Variants in C4orf36 observed in about 807,000 individuals in gnomAD.
The protein encoded by C4orf36 is uncharacterized protein C4orf36.
In C4orf36, 11 loss-of-function variants were observed where a neutral mutation model predicts 12.2. The observed-to-expected ratio is 0.90, with a 90% confidence interval of 0.57 to 1.49. C4orf36 has a LOEUF of 1.49. Among genes scored for constraint, C4orf36 ranks in the 40% most tolerant of loss-of-function variants. The pLI is 0.00. For synonymous variants in C4orf36, 54 were observed against 51.3 expected, an observed-to-expected ratio of 1.05 and a Z score of -0.22; for missense variants, 137 against 133.9, an observed-to-expected ratio of 1.02 and a Z score of -0.11.
the C4orf36 span, chr4:86,914,293 T>C: frequency 3.1e-6 from 5 of 1,602,046 alleles, no homozygotes; most frequent in East Asian, 2.2e-5. Context: ...CAAGTGACGA[T>C]GCGGTCGCTC....
chr4:86,877,987 A>T (rs1746966915), intron 4 of C4orf36, among the ~76,000 whole-genome samples: 1 of 152,198 alleles, frequency 6.6e-6, no homozygotes, highest in South Asian at 2.1e-4. Flanking sequence ...TGAGTTGATA[A>T]GTGCTGGAGC....
intron 4 of C4orf36, among the ~76,000 whole-genome samples, chr4:86,879,552 C>CA (rs910244868): frequency 2.6e-5 from 4 of 152,052 alleles, no homozygotes; most frequent in African/African-American, 9.7e-5. Context: ...AGAACACCAT[C>CA]AAACAGACCA....
intron 4 of C4orf36, among the ~76,000 whole-genome samples, chr4:86,882,634 T>C (rs967588222): frequency 3.9e-5 from 6 of 152,200 alleles, no homozygotes; most frequent in African/African-American, 1.4e-4. Flanking sequence ...CTACAGACCT[T>C]AAGCCAGTTT....
the C4orf36 span, among the ~76,000 whole-genome samples, chr4:86,927,702 A>G: frequency 6.6e-6 from 1 of 151,882 alleles, no homozygotes; most frequent in African/African-American, 2.4e-5. Context: ...CAGGAGGCTG[A>G]GGTAGAGAAT....
the C4orf36 span, chr4:86,925,061 C>T: frequency 2.0e-5 from 3 of 152,182 alleles, no homozygotes; most frequent in Admixed American, 1.3e-4. Context: ...CAAGAACTCA[C>T]TCACTGTCAT....
At chr4:86,891,731 C>T in intron 1 of C4orf36, 138 bp from the exon 2 acceptor site, 1 of 833,830 alleles carries the variant, frequency 1.2e-6, no homozygotes, top group Non-Finnish European at 1.7e-6. Flanking sequence ...AAACCGTGTT[C>T]TCTTTCATTT....
the C4orf36 span, among the ~76,000 whole-genome samples, chr4:86,908,052 C>G: frequency 1.3e-5 from 2 of 152,152 alleles, no homozygotes; most frequent in Non-Finnish European, 2.9e-5. Context: ...CATTTGCTCC[C>G]TACTCATCCT....
chr4:86,886,790 G>A (rs1000588403), intron 4 of C4orf36: 5 of 152,128 alleles, frequency 3.3e-5, no homozygotes, highest in African/African-American at 1.2e-4. Flanking sequence ...TATAAATCAT[G>A]CTGCTATAAA....
Position 86,892,404 on chromosome 4 carries a change from C to A in C4orf36, c.-295G>T. 1 of 985,548 alleles carries A rather than the reference C, an allele frequency of 1.0e-6. No individual in the cohort carries two copies. The highest frequency in any genetic ancestry group is 1.2e-6 in the Non-Finnish European group (1 of 830,054). 61.1% of individuals were successfully genotyped at this position (985,548 alleles called of 1,614,324 possible). A position where few individuals can be genotyped will look rare whatever the true frequency, so the allele number is the denominator to read the frequency against. On this transcript the variant is annotated 5_prime_UTR_variant, in exon 1 of 5. Coordinates refer to ENST00000295898, the MANE Select transcript of C4orf36 (RefSeq NM_144645.4). ...CGCAGGCACACGCCTCCTTCCCGCT[C>A]GCCGCGGGCGCCGAGTCTGGGGCTC...
At chr4:86,922,340 A>G in the C4orf36 span, among the ~76,000 whole-genome samples, 1 of 152,256 alleles carries the variant, frequency 6.6e-6, no homozygotes, top group Non-Finnish European at 1.5e-5. Context: ...AATGTCCAAT[A>G]ATCATACATA....
chr4:86,917,814 T>A, the C4orf36 span, among the ~76,000 whole-genome samples: 1 of 152,204 alleles, frequency 6.6e-6, no homozygotes, highest in Non-Finnish European at 1.5e-5. Flanking sequence ...AACCTACTCC[T>A]CCTAGGCTAC....
At chr4:86,893,455 G>T (rs1194547328), upstream of C4orf36, among the ~76,000 whole-genome samples, 2 of 152,012 alleles carry the variant, frequency 1.3e-5, no homozygotes, top group Non-Finnish European at 2.9e-5. Context: ...GCGAGGTGGC[G>T]CGCGCCTGTC....
intron 4 of C4orf36, among the ~76,000 whole-genome samples, chr4:86,880,193 C>A (rs1432709895): frequency 1.3e-5 from 2 of 152,094 alleles, no homozygotes; most frequent in East Asian, 3.9e-4. Context: ...CAGGCCAGGG[C>A]AAAGTGTGGT....
the C4orf36 span, among the ~76,000 whole-genome samples, chr4:86,910,788 G>A: frequency 1.1e-4 from 16 of 152,140 alleles, no homozygotes; most frequent in African/African-American, 3.1e-4. Context: ...GCATGAGGCC[G>A]GGCACAGTGG....
At chr4:86,924,872 T>A in the C4orf36 span, 2 of 152,242 alleles carry the variant, frequency 1.3e-5, no homozygotes, top group African/African-American at 2.4e-5. Context: ...TTTAATTTAC[T>A]CATGGTTCTG....
the C4orf36 span, among the ~76,000 whole-genome samples, chr4:86,906,007 C>T: frequency 6.6e-6 from 1 of 152,120 alleles, no homozygotes; most frequent in Non-Finnish European, 1.5e-5. Context: ...CCACGTGAGC[C>T]ACCGCTCCTG....
chr4:86,892,390 G>A lies in C4orf36; in HGVS notation c.-281C>T, dbSNP rs1302159620. ...CCTCGGGGCCGCGCCGCAGGCACAC[G>A]CCTCCTTCCCGCTCGCCGCGGGCGC... On this transcript the variant is annotated 5_prime_UTR_variant, in exon 1 of 5. Coordinates refer to ENST00000295898, the MANE Select transcript of C4orf36 (RefSeq NM_144645.4). 4.1e-6 allele frequency: 4 copies of A among 985,418 alleles called. No individual in the cohort carries two copies. Among genetic ancestry groups the A allele is most frequent in the East Asian group, 1.1e-4 (1 of 8,804 alleles). The allele number at this position is 985,418 out of a possible 1,614,324, so 61.0% of individuals were successfully genotyped here. A position where few individuals can be genotyped will look rare whatever the true frequency, so the allele number is the denominator to read the frequency against.
the C4orf36 span, among the ~76,000 whole-genome samples, chr4:86,911,307 C>T: frequency 1.3e-5 from 2 of 152,108 alleles, no homozygotes; most frequent in African/African-American, 4.8e-5. Context: ...GGAATTTCCC[C>T]TGCTTATTAG....
At chr4:86,921,853 C>T in the C4orf36 span, among the ~76,000 whole-genome samples, 3 of 152,174 alleles carry the variant, frequency 2.0e-5, no homozygotes, top group South Asian at 2.1e-4. Context: ...TCCTGCCCTC[C>T]AGGCCCTGAC....
Sources: allele counts gnomAD v4.1 joint callset (sites outside exome capture counted in the v4.1 genomes callset), GRCh38; gene constraint gnomAD v4.1.1; transcripts MANE v1.5; gene names NCBI Gene and HGNC (gene_info 2026-07-23, HGNC 2026-07-21).